The following IL1RAPL2 variants were observed in gnomAD, a reference collection of about 807,000 sequenced individuals.
IL1RAPL2 encodes the protein X-linked interleukin-1 receptor accessory protein-like 2.
A neutral mutation model predicts 44.1 loss-of-function variants in IL1RAPL2; 3 were observed. The ratio of observed to expected loss-of-function variants is 0.07; its 90% CI spans 0.03 to 0.18. The LOEUF is 0.18. IL1RAPL2 is among the 10% of genes least tolerant of loss of function. The pLI is 1.00. For synonymous variants in IL1RAPL2, 181 were observed against 178.8 expected (o/e 1.01, Z -0.10); for missense variants, 391 against 496.4 (o/e 0.79, Z 2.02).
At chrX:104,888,168 G>T (rs967911969) in intron 2 of IL1RAPL2, among the ~76,000 whole-genome samples, 2 of 109,801 alleles carry the variant, frequency 1.8e-5, no homozygotes, top group Non-Finnish European at 3.8e-5. Context: ...AGGGAGAACA[G>T]CAGCATAAGT....
At chrX:104,585,328 A>ATTATATAAT (rs1928518799) in intron 1 of IL1RAPL2, among the ~76,000 whole-genome samples, 2 of 12,483 alleles carry the variant, frequency 1.6e-4, no homozygotes, top group East Asian at 2.9e-3. Context: ...TATTATATAT[A>ATTATATAAT]ATATATATTA....
chrX:104,632,749 C>T (rs1477963614), intron 1 of IL1RAPL2, among the ~76,000 whole-genome samples: 6 of 107,629 alleles, frequency 5.6e-5, no homozygotes, highest in Admixed American at 3.0e-4. Flanking sequence ...TGGGCTGAGA[C>T]GATGGGGTTT....
chrX:104,778,820 C>T (rs1932755777), intron 2 of IL1RAPL2, among the ~76,000 whole-genome samples: 1 of 109,946 alleles, frequency 9.1e-6, no homozygotes, highest in Non-Finnish European at 1.9e-5. Flanking sequence ...TAGACTGGGG[C>T]TACCTTTCCT....
chrX:104,704,748 T>C (rs1192682792), intron 2 of IL1RAPL2, among the ~76,000 whole-genome samples: 4 of 112,123 alleles, frequency 3.6e-5, no homozygotes, highest in Non-Finnish European at 7.5e-5. Context: ...ATTAGGTATG[T>C]TGAAACCTTT....
intron 1 of IL1RAPL2, among the ~76,000 whole-genome samples, chrX:104,620,987 CAT>C (rs1369841600): frequency 4.4e-4 from 45 of 101,540 alleles, no homozygotes; most frequent in Non-Finnish European, 7.6e-4. Flanking sequence ...AATATAATAA[CAT>C]ATACATTCTA....
At chrX:105,514,097 CCTG>C (rs1379101613) in intron 6 of IL1RAPL2, among the ~76,000 whole-genome samples, 10 of 111,321 alleles carry the variant, frequency 9.0e-5, no homozygotes, top group Non-Finnish European at 1.9e-5. Context: ...TCAAAAACAG[CCTG>C]CTTTTAACAA....
At chrX:105,533,847 C>T (rs2036658561) in intron 6 of IL1RAPL2, among the ~76,000 whole-genome samples, 1 of 111,531 alleles carries the variant, frequency 9.0e-6, no homozygotes, top group African/African-American at 3.3e-5. Context: ...AACCATTCAC[C>T]CACTGGAAGA....
intron 3 of IL1RAPL2, among the ~76,000 whole-genome samples, chrX:105,223,919 G>A (rs1237842048): frequency 1.8e-5 from 2 of 111,395 alleles, no homozygotes; most frequent in East Asian, 5.6e-4. Flanking sequence ...ATGCAGTTTT[G>A]GATTGACAAA....
chrX:105,553,398 A>G (rs1036125505), intron 6 of IL1RAPL2, among the ~76,000 whole-genome samples: 6 of 111,741 alleles, frequency 5.4e-5, no homozygotes, highest in African/African-American at 1.6e-4. Context: ...TGGGAAAAGG[A>G]GAAAGTAGCT....
intron 6 of IL1RAPL2, among the ~76,000 whole-genome samples, chrX:105,703,775 C>G (rs984344842): frequency 1.8e-5 from 2 of 111,904 alleles, no homozygotes. Flanking sequence ...TGGTGGGTAT[C>G]AAATGTGTGT....
chrX:104,690,191 A>T (rs2147545498), intron 2 of IL1RAPL2, among the ~76,000 whole-genome samples: 1 of 112,696 alleles, frequency 8.9e-6, no homozygotes, highest in African/African-American at 3.2e-5. Context: ...TTCAAGAATA[A>T]TTGCCTTGAG....
At chrX:104,758,368 C>G (rs141051340) in intron 2 of IL1RAPL2, among the ~76,000 whole-genome samples, 13 of 110,804 alleles carry the variant, frequency 1.2e-4, no homozygotes, top group Non-Finnish European at 1.9e-4. Context: ...TAATTTTTTT[C>G]TTTTGAACAT....
chrX:105,451,478 A>C (rs1196662464), intron 5 of IL1RAPL2, among the ~76,000 whole-genome samples: 1 of 112,183 alleles, frequency 8.9e-6, no homozygotes, highest in African/African-American at 3.2e-5. Context: ...CTGGTACACA[A>C]TAAATGGTAG....
At chrX:105,493,911 A>T (rs1201758765) in intron 6 of IL1RAPL2, among the ~76,000 whole-genome samples, 1 of 111,845 alleles carries the variant, frequency 8.9e-6, no homozygotes, top group African/African-American at 3.2e-5. Flanking sequence ...TAAATACCAA[A>T]CTAATTTGTA....
At chrX:104,694,701 C>CTCCCA (rs1931148911) in intron 2 of IL1RAPL2, among the ~76,000 whole-genome samples, 1 of 111,428 alleles carries the variant, frequency 9.0e-6, no homozygotes, top group Non-Finnish European at 1.9e-5. Flanking sequence ...GTTTGGGTGA[C>CTCCCA]AGTCAAGGTG....
chrX:104,880,739 T>A (rs1923043677), intron 2 of IL1RAPL2, among the ~76,000 whole-genome samples: 1 of 112,502 alleles, frequency 8.9e-6, no homozygotes, highest in Non-Finnish European at 1.9e-5. Flanking sequence ...CTGTTCGAAG[T>A]AATGCATTTT....
At chrX:105,246,499 G>A (rs776094283) in intron 4 of IL1RAPL2, among the ~76,000 whole-genome samples, 1 of 111,505 alleles carries the variant, frequency 9.0e-6, no homozygotes, top group Non-Finnish European at 1.9e-5. Flanking sequence ...GGTTTATATA[G>A]CAGGGAACAA....
At chrX:104,612,044 T>G (rs1929173661) in intron 1 of IL1RAPL2, among the ~76,000 whole-genome samples, 1 of 110,559 alleles carries the variant, frequency 9.0e-6, no homozygotes, top group Non-Finnish European at 1.9e-5. Context: ...GTTTGTTTTT[T>G]GATTGTTCAT....
chrX:104,682,353 A>G (rs1008186764), intron 2 of IL1RAPL2, among the ~76,000 whole-genome samples: 1 of 112,639 alleles, frequency 8.9e-6, no homozygotes, highest in African/African-American at 3.2e-5. Context: ...ATGGCTGGTG[A>G]CTAACATAGG....
Sources: allele counts gnomAD v4.1 joint callset (sites outside exome capture counted in the v4.1 genomes callset), GRCh38; gene constraint gnomAD v4.1.1; transcripts MANE v1.5; gene names NCBI Gene and HGNC (gene_info 2026-07-23, HGNC 2026-07-21).